Variants in SLC6A2 observed in about 807,000 individuals in gnomAD.
The protein encoded by SLC6A2 is solute carrier family 6 member 2, also known as sodium-dependent noradrenaline transporter.
A neutral mutation model predicts 71.7 loss-of-function variants in SLC6A2; 26 were observed. That is an observed-to-expected ratio of 0.36 (90% CI 0.27 to 0.50). The LOEUF (loss-of-function observed/expected upper bound fraction) is 0.50, where lower values mean the gene tolerates loss of function less well. SLC6A2 is among the 20% of genes least tolerant of loss of function. SLC6A2 has a pLI of 0.96. For synonymous variants in SLC6A2, 363 were observed against 337.9 expected (o/e 1.07, Z -0.82); for missense variants, 581 against 803.9 (o/e 0.72, Z 3.35).
chr16:55,676,902 CA>C (rs1965106396), intron 4 of SLC6A2, among the ~76,000 whole-genome samples: 1 of 152,220 alleles, frequency 6.6e-6, no homozygotes, highest in South Asian at 2.1e-4. Context: ...GCCCAGGGTT[CA>C]AAACCTTGAC....
chr16:55,689,222 A>C (rs1965542043), intron 5 of SLC6A2, among the ~76,000 whole-genome samples: 1 of 152,214 alleles, frequency 6.6e-6, no homozygotes, highest in Non-Finnish European at 1.5e-5. Context: ...TGTTAGCCAA[A>C]GATCCAGGAA....
Position 55,702,502 on chromosome 16 carries a change from G to A in SLC6A2, c.*156G>A. The A allele has an allele frequency of 1.3e-6, 2 of 1,535,072 alleles. No individual in the cohort carries two copies. Among genetic ancestry groups the A allele is most frequent in the African/African-American group, 1.4e-5 (1 of 72,866 alleles). The stretch of plus-strand genomic sequence containing the variant: ...CCCATTTACAAATGATTTCGTGACT[G>A]TAGTTTTTGTTCACCTTCTGTGCAT... On this transcript the variant is annotated 3_prime_UTR_variant, in exon 15 of 15. Coordinates refer to ENST00000568943, the MANE Select transcript of SLC6A2 (RefSeq NM_001172501.3).
Position 55,656,346 on chromosome 16 carries a change from A to C in SLC6A2, c.-52+177A>C. 2.5e-6 allele frequency: 1 copy of C among 396,838 alleles called. No homozygotes were observed. The highest frequency in any genetic ancestry group is 4.7e-6 in the Non-Finnish European group (1 of 212,540). The allele number at this position is 396,838 out of a possible 1,614,324, so 24.6% of individuals were successfully genotyped here. On this transcript the variant is annotated intron_variant, in intron 1 of 14. Transcript: ENST00000568943. This position sits in a 1 kb window ranked among gnomAD's most constrained non-coding sequence, Gnocchi z 4.5. Reference sequence around the variant, plus strand: ...GGGAGGGGGTCGGCACGCTGCCCTCAGCCTCGGTGAGTTCAATCCCAGCCA... The same window carrying C: ...GGGAGGGGGTCGGCACGCTGCCCTCCGCCTCGGTGAGTTCAATCCCAGCCA...
At chr16:55,657,405 C>T (rs550331455) in intron 2 of SLC6A2, among the ~76,000 whole-genome samples, 1 of 152,270 alleles carries the variant, frequency 6.6e-6, no homozygotes, top group South Asian at 2.1e-4. Context: ...ATTTGACAAC[C>T]AGGCCCACAG....
At chr16:55,697,298 G>T (rs1363893896) in intron 9 of SLC6A2, among the ~76,000 whole-genome samples, 1 of 152,192 alleles carries the variant, frequency 6.6e-6, no homozygotes, top group African/African-American at 2.4e-5. Flanking sequence ...AAGAGGAGGG[G>T]AGAGGAGAGG....
intron 5 of SLC6A2, among the ~76,000 whole-genome samples, chr16:55,686,161 C>T (rs1596993058): frequency 1.3e-5 from 2 of 152,142 alleles, no homozygotes; most frequent in East Asian, 3.9e-4. Context: ...TTGGGATCAG[C>T]TGGGTGGTTC....
intron 9 of SLC6A2, among the ~76,000 whole-genome samples, chr16:55,697,164 T>C (rs113445179): frequency 1.1e-4 from 16 of 152,210 alleles, no homozygotes; most frequent in Non-Finnish European, 1.9e-4. Flanking sequence ...TGGCACTTGG[T>C]TTTCCTCCCA....
chr16:55,656,572 C>G lies in SLC6A2; in HGVS notation c.-51-72C>G. The G allele has an allele frequency of 1.6e-6, 2 of 1,258,606 alleles. No homozygotes were observed. Among genetic ancestry groups the G allele is most frequent in the Non-Finnish European group, 2.3e-6 (2 of 869,478 alleles). The allele number at this position is 1,258,606 out of a possible 1,614,324, so 78.0% of individuals were successfully genotyped here. ...GCTCATCCCAGTGTCTAAGGCGCTC[C>G]CGGGTGGTCTTGGGAGTTGCAAGTA... is the stretch of plus-strand genomic sequence containing the variant. On this transcript the variant is annotated intron_variant, in intron 1 of 14. Transcript: ENST00000568943. The surrounding 1 kb of genome is among the most constrained non-coding windows in gnomAD (Gnocchi z 4.5).
intron 2 of SLC6A2, among the ~76,000 whole-genome samples, chr16:55,664,152 C>G (rs1964684469): frequency 6.6e-6 from 1 of 151,906 alleles, no homozygotes; most frequent in Non-Finnish European, 1.5e-5. Context: ...GAGGGGCCAT[C>G]TCAGCTTCAG....
intron 5 of SLC6A2, among the ~76,000 whole-genome samples, chr16:55,687,434 T>G (rs114054075): frequency 0.019 from 2,866 of 152,278 alleles, 84 homozygotes; most frequent in African/African-American, 0.065. Context: ...ATAGAGAAGG[T>G]GGCATTCGAG....
intron 5 of SLC6A2, among the ~76,000 whole-genome samples, chr16:55,689,245 C>T (rs1313748450): frequency 6.6e-6 from 1 of 152,234 alleles, no homozygotes; most frequent in Non-Finnish European, 1.5e-5. Context: ...CTTCTTTCAA[C>T]ACAAGATCTT....
chr16:55,679,219 C>CT (rs1965190981), intron 4 of SLC6A2, among the ~76,000 whole-genome samples: 1 of 149,934 alleles, frequency 6.7e-6, no homozygotes, highest in Non-Finnish European at 1.5e-5. Context: ...CTCTGGTTTT[C>CT]TTTTTTCTTT....
chr16:55,660,292 GC>G lies in SLC6A2; in HGVS notation c.274+3326del, dbSNP rs543492971. On this transcript the variant is annotated intron_variant, in intron 2 of 14. Transcript: ENST00000568943. ...GGCAAGTTGGGGCCAGGCTGCAGAG[GC>G]CTTGAAAGCCAGGCTAAGGGGTGGG... Among the ~76,000 whole-genome samples the G allele has an allele frequency of 2.5e-3, 387 of 152,308 alleles. 1 individual carries two copies. Among genetic ancestry groups the G allele is most frequent in the Non-Finnish European group, 4.4e-3 (302 of 68,030 alleles).
intron 5 of SLC6A2, among the ~76,000 whole-genome samples, chr16:55,687,763 C>T (rs1463315883): frequency 6.6e-6 from 1 of 152,208 alleles, no homozygotes; most frequent in Non-Finnish European, 1.5e-5. Flanking sequence ...ATGCCATCAC[C>T]AAAGAGGGTA....
At chr16:55,696,073 G>A in intron 8 of SLC6A2, 152 bp from the exon 9 acceptor site, 3 of 699,418 alleles carry the variant, frequency 4.3e-6, no homozygotes, top group Admixed American at 2.0e-5. Context: ...CAGGTGAGCT[G>A]TAAGTTCATG....
intron 5 of SLC6A2, among the ~76,000 whole-genome samples, chr16:55,687,019 T>A (rs1567447942): frequency 1.3e-5 from 2 of 152,194 alleles, no homozygotes; most frequent in Admixed American, 1.3e-4. Context: ...GATGCAAGAA[T>A]AAGACAGGTT....
intron 2 of SLC6A2, among the ~76,000 whole-genome samples, chr16:55,662,164 A>G (rs1213134356): frequency 6.6e-6 from 1 of 152,326 alleles, no homozygotes; most frequent in Non-Finnish European, 1.5e-5. Context: ...CAAGCTTGTC[A>G]AAAGGATCTG....
intron 9 of SLC6A2, 141 bp downstream of exon 9, chr16:55,696,478 G>A (rs575391359): frequency 5.5e-5 from 37 of 676,346 alleles, no homozygotes; most frequent in Middle Eastern, 4.0e-4. Context: ...TTTAAATGCA[G>A]ACAAAAAAAG....
intron 13 of SLC6A2, among the ~76,000 whole-genome samples, chr16:55,701,174 G>C (rs953259300): frequency 3.3e-5 from 5 of 152,154 alleles, no homozygotes; most frequent in African/African-American, 1.2e-4. Context: ...AGGATGGAAG[G>C]CATCCTTGGG....
Sources: gnomAD v4.1 joint callset for allele counts (sites outside exome capture counted in the v4.1 genomes callset) on GRCh38, gnomAD v4.1.1 for gene constraint, Gnocchi (gnomAD v3.1) non-coding constraint, MANE v1.5 for transcripts, NCBI Gene and HGNC (gene_info 2026-07-23, HGNC 2026-07-21) for gene names.